The following RGS9 variants were observed in gnomAD, a reference collection of about 807,000 sequenced individuals.
The protein encoded by RGS9 is regulator of G-protein signalling 9.
RGS9 carries 78 observed loss-of-function variants against 102.0 expected under a neutral mutation model. The observed-to-expected ratio is 0.76, with a 90% CI of 0.64 to 0.92. The LOEUF is 0.92. Among genes scored for constraint, RGS9 ranks in the 40% least tolerant of loss-of-function variants. The pLI, the probability that RGS9 is intolerant of heterozygous loss-of-function variation, is 0.00. For synonymous variants in RGS9, 353 were observed against 318.6 expected (o/e 1.11, Z -1.15); for missense variants, 833 against 866.1 (o/e 0.96, Z 0.48).
chr17:65,197,232 G>T lies in RGS9; in HGVS notation c.967G>T (p.Glu323Ter). Residue 323 changes from glutamate (E) to a stop codon, truncating the protein, a stop_gained, in exon 13 of 19, where the codon GAA becomes TAA. Transcript: ENST00000262406. LOFTEE classifies it high-confidence loss of function. ...GAGCTTCCAGTACTTCCTCAAGAAA[G>T]AATTCAGTGGTGGGTCTTTGTTTAC... ...RQSFQYFLKK[E>*]FSGENLGFWE... The T allele has an allele frequency of 6.2e-7, 1 of 1,601,846 alleles. No homozygotes were observed. Among genetic ancestry groups the T allele is most frequent in the Non-Finnish European group, 8.6e-7 (1 of 1,169,196 alleles).
rs183948509 is a variant in RGS9 at position 65,168,154 on chromosome 17, A to G, written c.501-46A>G. 4 of 1,375,112 alleles carry G rather than the reference A, an allele frequency of 2.9e-6. No individual in the cohort carries two copies. In the African/African-American group the frequency reaches 5.7e-5, roughly 20 times the overall value. The allele number at this position is 1,375,112 out of a possible 1,614,324, so 85.2% of individuals were successfully genotyped here. A position where few individuals can be genotyped will look rare whatever the true frequency, so the allele number is the denominator to read the frequency against. On this transcript the variant is annotated intron_variant, in intron 7 of 18. Coordinates refer to ENST00000262406, the MANE Select transcript of RGS9 (RefSeq NM_003835.4). ...GGAATGAGGGGCATCACTAATCAAA[A>G]GACACAAAGTCTTCCTGGCCTTACA...
At chr17:65,178,789 G>T (rs1197138734) in intron 9 of RGS9, among the ~76,000 whole-genome samples, 1 of 152,214 alleles carries the variant, frequency 6.6e-6, no homozygotes, top group African/African-American at 2.4e-5. Flanking sequence ...ACAGGTGTGA[G>T]CCACTGTGCC....
At chr17:65,221,404 G>A (rs925769322) in intron 17 of RGS9, among the ~76,000 whole-genome samples, 2 of 152,168 alleles carry the variant, frequency 1.3e-5, no homozygotes, top group African/African-American at 4.8e-5. Flanking sequence ...CTGAGGAAGT[G>A]GAATGGAAGT....
At chr17:65,157,080 G>A (rs1910795360) in intron 2 of RGS9, among the ~76,000 whole-genome samples, 1 of 151,532 alleles carries the variant, frequency 6.6e-6, no homozygotes, top group Non-Finnish European at 1.5e-5. Context: ...AAATGTCCCT[G>A]CACCGCCTCC....
At chr17:65,154,275 C>A (rs1289227425) in intron 2 of RGS9, among the ~76,000 whole-genome samples, 1 of 152,194 alleles carries the variant, frequency 6.6e-6, no homozygotes, top group East Asian at 1.9e-4. Flanking sequence ...CCACTGCACT[C>A]CAGCCTGGGT....
chr17:65,174,385 ATGTC>A (rs1161666454), intron 8 of RGS9, among the ~76,000 whole-genome samples: 7 of 152,054 alleles, frequency 4.6e-5, no homozygotes, highest in African/African-American at 1.4e-4. Context: ...GCATGTCAGT[ATGTC>A]TGGGTGTGCA....
At chr17:65,155,511 C>T (rs1910735604) in intron 2 of RGS9, among the ~76,000 whole-genome samples, 1 of 152,136 alleles carries the variant, frequency 6.6e-6, no homozygotes. Context: ...TCTCAGTTTA[C>T]TTTCTCCATT....
intron 1 of RGS9, among the ~76,000 whole-genome samples, chr17:65,144,863 C>T (rs1910293641): frequency 6.6e-6 from 1 of 152,136 alleles, no homozygotes; most frequent in African/African-American, 2.4e-5. Flanking sequence ...GTGGCTTAAG[C>T]AACAGAAACT....
At position 65,225,446 on chromosome 17, in the gene RGS9, G is replaced by T. The variant is rs1455014482; in HGVS notation, c.1852G>T (p.Gly618Cys). Residue 618 changes from glycine to cysteine, a missense_variant, in exon 18 of 19, where the codon GGC (glycine) becomes TGC (cysteine). Around this residue, in one of 3 missense-constraint regions of RGS9, gnomAD observed 320 missense variants for 276.8 expected, o/e 1.16. Coordinates refer to ENST00000262406, the MANE Select transcript of RGS9 (RefSeq NM_003835.4). The stretch of plus-strand genomic sequence containing the variant: ...GAGGGTGCAGCCCCTGGGGGACGTG[G>T]GCCAGCAGCTGCCACGATTGAAATC... ...HGRVQPLGDV[G>C]QQLPRLKSKR... 3.7e-6 allele frequency: 6 copies of T among 1,606,934 alleles called. No individual in the cohort carries two copies. In the African/African-American group the frequency reaches 8.0e-5, roughly 21 times the overall value.
In RGS9 at chr17:65,202,088, T is replaced by A. The variant is rs762131211; in HGVS notation, c.1064+8T>A. 7.5e-5 allele frequency: 120 copies of A among 1,600,624 alleles called. No individual in the cohort carries two copies. Among genetic ancestry groups the A allele is most frequent in the Non-Finnish European group, 9.7e-5 (113 of 1,168,088 alleles). ...AGCAGAGGAGATTTACAAGTGAGCA[T>A]CAGCCAGGGTGCTGGAAAGCCTTCC... On this transcript the variant is annotated splice_region_variant and intron_variant, in intron 14 of 18. Transcript: ENST00000262406.
At chr17:65,165,066 G>A (rs1484867992) in intron 7 of RGS9, among the ~76,000 whole-genome samples, 1 of 152,152 alleles carries the variant, frequency 6.6e-6, no homozygotes, top group East Asian at 1.9e-4. Flanking sequence ...CTGGGCTCCA[G>A]GGACACAGAG....
At position 65,204,270 on chromosome 17, in the gene RGS9, C is replaced by G; in HGVS notation, c.1172C>G (p.Ala391Gly). Residue 391 changes from alanine to glycine, a missense_variant, in exon 15 of 19, where the codon GCA (alanine) becomes GGA (glycine). Physicochemically the swap from Ala to Gly is moderately conservative, Grantham distance 60 (BLOSUM62 0). Around this residue, in one of 3 missense-constraint regions of RGS9, gnomAD observed 185 missense variants for 248.7 expected, o/e 0.74. Transcript: ENST00000262406. ...KHPHRYVLDAAQTHIYMLMKK... is the reference protein window; with the variant it reads ...KHPHRYVLDAGQTHIYMLMKK... ...CCCCACCGCTATGTGCTGGACGCCG[C>G]ACAAACCCACATTTACATGCTCATG... 6.2e-7 allele frequency: 1 copy of G among 1,613,756 alleles called. No homozygotes were observed. The highest frequency in any genetic ancestry group is 1.7e-5 in the Admixed American group (1 of 60,028).
intron 11 of RGS9, among the ~76,000 whole-genome samples, chr17:65,192,756 G>A (rs891135749): frequency 6.6e-6 from 1 of 152,062 alleles, no homozygotes; most frequent in Non-Finnish European, 1.5e-5. Flanking sequence ...TAGTGTGTTT[G>A]GACCAATTAA....
At chr17:65,155,090 C>G (rs1484409502) in intron 2 of RGS9, among the ~76,000 whole-genome samples, 1 of 152,192 alleles carries the variant, frequency 6.6e-6, no homozygotes, top group Non-Finnish European at 1.5e-5. Context: ...TATAGAGCAG[C>G]TCATGGAGGA....
At chr17:65,155,082 TA>T (rs1240840409) in intron 2 of RGS9, among the ~76,000 whole-genome samples, 29 of 152,198 alleles carry the variant, frequency 1.9e-4, no homozygotes, top group Admixed American at 1.8e-3. Context: ...TGAAATGCTA[TA>T]GAGCAGCTCA....
chr17:65,163,175 T>A (rs377560424), intron 7 of RGS9, 86 bp downstream of exon 7: 9 of 671,324 alleles, frequency 1.3e-5, no homozygotes, highest in South Asian at 9.4e-5. Context: ...TTTTATTTTT[T>A]ATTTTTATTT....
At chr17:65,149,199 C>A (rs942480226) in intron 1 of RGS9, among the ~76,000 whole-genome samples, 1 of 151,970 alleles carries the variant, frequency 6.6e-6, no homozygotes, top group African/African-American at 2.4e-5. Context: ...GTCTCGAACT[C>A]CTGACCTCAA....
chr17:65,165,348 T>TA (rs1911136413), intron 7 of RGS9, among the ~76,000 whole-genome samples: 1 of 152,194 alleles, frequency 6.6e-6, no homozygotes, highest in East Asian at 1.9e-4. Flanking sequence ...AATGAGCGAT[T>TA]CCTAAAAGGC....
At chr17:65,196,877 G>A (rs774732554) in intron 12 of RGS9, among the ~76,000 whole-genome samples, 3 of 152,244 alleles carry the variant, frequency 2.0e-5, no homozygotes, top group Non-Finnish European at 4.4e-5. Flanking sequence ...GGACCTGAGT[G>A]TGGGCTCCCC....
Sources: allele counts gnomAD v4.1 joint callset (sites outside exome capture counted in the v4.1 genomes callset), GRCh38; gene constraint gnomAD v4.1.1; regional missense constraint gnomAD v4.1.1; transcripts MANE v1.5; gene names NCBI Gene and HGNC (gene_info 2026-07-23, HGNC 2026-07-21).